KSR2: variants seen among roughly 807,000 people sequenced by gnomAD.
The protein encoded by KSR2 is kinase suppressor of ras 2.
KSR2 carries 25 observed loss-of-function variants against 107.8 expected under a neutral mutation model. The ratio of observed to expected loss-of-function variants is 0.23; its 90% confidence interval spans 0.17 to 0.32. KSR2 has a LOEUF of 0.32. Among genes scored for constraint, KSR2 ranks in the 10% least tolerant of loss-of-function variants. The pLI is 1.00. For synonymous variants in KSR2, 480 were observed against 507.0 expected (o/e 0.95, Z 0.71); for missense variants, 887 against 1,268.9 (o/e 0.70, Z 4.57).
At chr12:117,555,901 C>A (rs56165840) in intron 8 of KSR2, among the ~76,000 whole-genome samples, 3,352 of 152,222 alleles carry the variant, frequency 0.022, 130 homozygotes, top group African/African-American at 0.076. Context: ...CAGCAAGGGG[C>A]AAAAATGAGA....
At chr12:117,539,682 C>T (rs749583088) in intron 10 of KSR2, 37 bp downstream of exon 10, 7 of 1,555,072 alleles carry the variant, frequency 4.5e-6, no homozygotes, top group Admixed American at 3.9e-5. Context: ...GCCCCTCCAA[C>T]GCTGCACCCC....
intron 1 of KSR2, among the ~76,000 whole-genome samples, chr12:117,929,906 G>C (rs1024049892): frequency 1.3e-5 from 2 of 152,124 alleles, no homozygotes; most frequent in Non-Finnish European, 2.9e-5. Flanking sequence ...TTCTAATAGG[G>C]ATGATGAAAA....
At chr12:117,783,118 C>T (rs940738176) in intron 3 of KSR2, among the ~76,000 whole-genome samples, 5 of 152,180 alleles carry the variant, frequency 3.3e-5, no homozygotes, top group Admixed American at 2.6e-4. Flanking sequence ...TGATCATGAT[C>T]ACCCTTTTTT....
At chr12:117,819,472 G>A (rs1891489103) in intron 3 of KSR2, among the ~76,000 whole-genome samples, 2 of 152,154 alleles carry the variant, frequency 1.3e-5, no homozygotes, top group African/African-American at 2.4e-5. Flanking sequence ...GGGCACAGTG[G>A]GGGTAAAAGC....
intron 3 of KSR2, among the ~76,000 whole-genome samples, chr12:117,766,877 C>T (rs1207068555): frequency 2.0e-4 from 8 of 39,650 alleles, no homozygotes; most frequent in Admixed American, 1.8e-3. Context: ...AGCTATTTTT[C>T]GGGATGGGGC....
intron 3 of KSR2, among the ~76,000 whole-genome samples, chr12:117,785,308 G>C (rs1890026371): frequency 6.6e-6 from 1 of 150,636 alleles, no homozygotes. Context: ...CCAGCTACTT[G>C]GGAGGTTAAG....
intron 4 of KSR2, among the ~76,000 whole-genome samples, chr12:117,714,940 CAT>C (rs1312828897): frequency 6.6e-6 from 1 of 152,158 alleles, no homozygotes; most frequent in East Asian, 1.9e-4. Context: ...GTCACCCCAT[CAT>C]GTGTCCTGGC....
At chr12:117,869,716 G>A (rs570409442) in intron 1 of KSR2, among the ~76,000 whole-genome samples, 2 of 152,238 alleles carry the variant, frequency 1.3e-5, no homozygotes, top group South Asian at 4.1e-4. Flanking sequence ...TTAATCTTCT[G>A]CATGAAGGAT....
At chr12:117,758,848 G>A (rs1282261679) in intron 4 of KSR2, among the ~76,000 whole-genome samples, 1 of 152,214 alleles carries the variant, frequency 6.6e-6, no homozygotes, top group East Asian at 1.9e-4. Flanking sequence ...CCCTGGGAAA[G>A]GGACAGGGAG....
chr12:117,685,563 C>A (rs1885536662), intron 4 of KSR2, among the ~76,000 whole-genome samples: 1 of 152,246 alleles, frequency 6.6e-6, no homozygotes, highest in Non-Finnish European at 1.5e-5. Context: ...GAGAAATGGC[C>A]AGTGCTAGCT....
At chr12:117,645,826 C>A (rs913372004) in intron 5 of KSR2, among the ~76,000 whole-genome samples, 2 of 151,584 alleles carry the variant, frequency 1.3e-5, no homozygotes, top group South Asian at 2.1e-4. Flanking sequence ...GAATACAGCA[C>A]TGAAAAACAA....
In KSR2 at chr12:117,728,475, C is replaced by G. The variant is rs1264458704; in HGVS notation, c.986+32536G>C. 2.0e-5 allele frequency among the ~76,000 whole-genome samples: 3 copies of G among 152,208 alleles called. No homozygotes were observed. In the South Asian group the frequency reaches 6.2e-4, roughly 32 times the overall value. On this transcript the variant is annotated intron_variant, in intron 4 of 19. Transcript: ENST00000339824. ...CCCAGGCGGACATCCCAGCTGCTGT[C>G]CATTATAACCTGGAATGGAACATTA...
chr12:117,561,058 G>A (rs928151379), intron 7 of KSR2, among the ~76,000 whole-genome samples: 15 of 152,126 alleles, frequency 9.9e-5, no homozygotes, highest in African/African-American at 3.6e-4. Context: ...GGCAAATTAT[G>A]TTGATTTTTC....
intron 3 of KSR2, among the ~76,000 whole-genome samples, chr12:117,834,168 T>C (rs933203344): frequency 1.3e-5 from 2 of 150,262 alleles, no homozygotes; most frequent in Non-Finnish European, 3.0e-5. Context: ...AAAACAGAAC[T>C]GGCATCACCC....
Position 117,471,327 on chromosome 12 carries a change from GC to G in KSR2, c.2583-8del, listed in dbSNP as rs1871446304. On this transcript the variant is annotated splice_region_variant and splice_polypyrimidine_tract_variant and intron_variant, in intron 17 of 19. Coordinates refer to ENST00000339824, the MANE Select transcript of KSR2 (RefSeq NM_173598.6). ...GAGTTCATACCAGATTGTGCTGTTGGCAGACGTTGTTAAAGGGGTGTTGGTG... is the reference window on the plus strand; with the variant it reads ...GAGTTCATACCAGATTGTGCTGTTGGAGACGTTGTTAAAGGGGTGTTGGTG... The G allele has an allele frequency of 6.2e-7, 1 of 1,611,520 alleles. No homozygotes were observed. Among genetic ancestry groups the G allele is most frequent in the African/African-American group, 1.3e-5 (1 of 74,754 alleles).
chr12:117,527,348 G>GACAC (rs61441669), intron 12 of KSR2, among the ~76,000 whole-genome samples: 4 of 106,298 alleles, frequency 3.8e-5, no homozygotes, highest in Non-Finnish European at 2.0e-5. Flanking sequence ...CACACACACA[G>GACAC]ACACACACAC....
intron 7 of KSR2, among the ~76,000 whole-genome samples, chr12:117,570,102 A>ACG (rs1460489140): frequency 2.0e-5 from 3 of 151,214 alleles, no homozygotes; most frequent in Non-Finnish European, 2.9e-5. Flanking sequence ...TCCCAGGTTC[A>ACG]CGCCATTCTC....
At chr12:117,742,038 A>T (rs1888237004) in intron 4 of KSR2, among the ~76,000 whole-genome samples, 1 of 152,238 alleles carries the variant, frequency 6.6e-6, no homozygotes, top group African/African-American at 2.4e-5. Flanking sequence ...CATGGGTCAG[A>T]TCGACAGGTG....
In KSR2 at chr12:117,841,526, G is replaced by T. The variant is rs561777864; in HGVS notation, c.472+13902C>A. On this transcript the variant is annotated intron_variant, in intron 3 of 19. Transcript: ENST00000339824. ...AAAACTGAAGGTGCTCTGCAAATGT[G>T]CAATATTATTTGATATTTACATGCA... 2.0e-5 allele frequency among the ~76,000 whole-genome samples: 3 copies of T among 152,278 alleles called. No homozygotes were observed. In the South Asian group the frequency reaches 6.2e-4, roughly 32 times the overall value.
Sources: gnomAD v4.1 joint callset for allele counts (sites outside exome capture counted in the v4.1 genomes callset) on GRCh38, gnomAD v4.1.1 for gene constraint, MANE v1.5 for transcripts, NCBI Gene and HGNC (gene_info 2026-07-23, HGNC 2026-07-21) for gene names.